Variants in USP28 observed in about 807,000 individuals in gnomAD.
USP28 encodes the protein ubiquitin carboxyl-terminal hydrolase 28.
In USP28, 113 loss-of-function variants were observed where a neutral mutation model predicts 145.0. That is an observed-to-expected ratio of 0.78 (90% confidence interval 0.67 to 0.91). USP28 has a LOEUF of 0.91. USP28 is among the 40% of genes least tolerant of loss of function. The pLI is 0.00. For missense variants in USP28, 1,201 were observed against 1,289.6 expected (o/e 0.93, Z 1.05); for synonymous variants, 447 against 450.9 (o/e 0.99, Z 0.11).
rs1945324524 is a variant in USP28, at chr11:113,842,561, G to GT, written c.269-794_269-793insA. Among the ~76,000 whole-genome samples, 3 of 150,812 alleles carry GT rather than the reference G, an allele frequency of 2.0e-5. No homozygotes were observed. The South Asian group carries it at 6.3e-4, about 31-fold the overall frequency. ...GACCACGCCACTGCACTCCAGCCTAGGCAACAGAGTGAGACTCCGTCTCAG... is the reference window on the plus strand; with the variant it reads ...GACCACGCCACTGCACTCCAGCCTAGTGCAACAGAGTGAGACTCCGTCTCAG... On this transcript the variant is annotated intron_variant, in intron 3 of 24. Transcript: ENST00000003302.
intron 3 of USP28, among the ~76,000 whole-genome samples, chr11:113,851,468 T>C (rs1003022633): frequency 1.3e-5 from 2 of 152,078 alleles, no homozygotes; most frequent in African/African-American, 4.8e-5. Context: ...GGGCCTCAAA[T>C]GACTTACTCC....
chr11:113,803,606 T>A (rs1340405865), intron 22 of USP28, among the ~76,000 whole-genome samples, 192 bp downstream of exon 23: 1 of 152,140 alleles, frequency 6.6e-6, no homozygotes, highest in Non-Finnish European at 1.5e-5. Context: ...AGCTAATACA[T>A]CTAATCATTT....
At chr11:113,812,317 C>G (rs370538899) in exon 16 of USP28, 6 of 1,614,012 alleles carry the variant, frequency 3.7e-6, no homozygotes, top group Non-Finnish European at 5.1e-6. Flanking sequence ...GTACATCAGA[C>G]AGTAAGCACT....
At chr11:113,874,545 C>T (rs1476297856) in intron 1 of USP28, 6 of 1,288,390 alleles carry the variant, frequency 4.7e-6, no homozygotes, top group East Asian at 1.1e-4. Context: ...CAGCTTTGTA[C>T]GACAAATATA....
At chr11:113,839,154 T>C (rs191429838) in intron 5 of USP28, among the ~76,000 whole-genome samples, 1 of 152,356 alleles carries the variant, frequency 6.6e-6, no homozygotes, top group Admixed American at 6.5e-5. Context: ...TGGTATCTCC[T>C]TAAACTCAAC....
At chr11:113,840,140 T>C (rs1057145375) in intron 5 of USP28, among the ~76,000 whole-genome samples, 2 of 152,076 alleles carry the variant, frequency 1.3e-5, no homozygotes, top group Admixed American at 6.5e-5. Context: ...AACCTCATAG[T>C]CTTACTCTTA....
intron 1 of USP28, among the ~76,000 whole-genome samples, chr11:113,862,274 G>A (rs1374933571): frequency 6.6e-6 from 1 of 152,178 alleles, no homozygotes; most frequent in Non-Finnish European, 1.5e-5. Context: ...TTGAACCCAG[G>A]AGGCGGAGGT....
chr11:113,874,141 G>GA (rs552125095), intron 1 of USP28, among the ~76,000 whole-genome samples: 22,055 of 83,374 alleles, frequency 0.26, 2,867 homozygotes, highest in African/African-American at 0.4. Context: ...ACTCCGTCTG[G>GA]AAAAAAAAAA....
intron 1 of USP28, among the ~76,000 whole-genome samples, chr11:113,863,643 CAAAAA>C (rs71063528): frequency 8.0e-6 from 1 of 124,902 alleles, no homozygotes; most frequent in Non-Finnish European, 1.6e-5. Flanking sequence ...GACCCTGTCT[CAAAAA>C]AAAAAAAAAA....
intron 8 of USP28, among the ~76,000 whole-genome samples, chr11:113,831,238 A>C (rs1943951090): frequency 6.6e-6 from 1 of 152,216 alleles, no homozygotes; most frequent in Non-Finnish European, 1.5e-5. Flanking sequence ...CAGTATATAC[A>C]TCTATATCCA....
At chr11:113,817,882 G>T (rs1188242111) in intron 12 of USP28, 45 bp from the exon 13 acceptor site, 1 of 1,592,990 alleles carries the variant, frequency 6.3e-7, no homozygotes, top group South Asian at 1.1e-5. Context: ...AGGCTGTTTT[G>T]TATTTTAAGA....
intron 1 of USP28, chr11:113,874,373 C>T: frequency 1.4e-6 from 1 of 740,102 alleles, no homozygotes; most frequent in African/African-American, 2.1e-5. Flanking sequence ...TGCAGTGAGC[C>T]GACATCGCGC....
intron 23 of USP28, among the ~76,000 whole-genome samples, chr11:113,802,664 C>G (rs912579097): frequency 4.6e-5 from 7 of 152,194 alleles, no homozygotes; most frequent in African/African-American, 1.2e-4. Context: ...ATCAGAACAG[C>G]AGGACCAATT....
exon 14 of USP28, chr11:113,815,282 T>G (rs950466739): frequency 6.2e-7 from 1 of 1,614,184 alleles, no homozygotes; most frequent in Non-Finnish European, 8.5e-7. Flanking sequence ...GGCATTTCCA[T>G]GGAAGACCGA....
chr11:113,822,284 T>C (rs1942721173), intron 12 of USP28, among the ~76,000 whole-genome samples: 1 of 152,090 alleles, frequency 6.6e-6, no homozygotes, highest in Non-Finnish European at 1.5e-5. Context: ...ACCTTGTCTC[T>C]ACCAAAAATA....
chr11:113,805,932 T>C (rs1197749611), intron 19 of USP28, among the ~76,000 whole-genome samples: 3 of 152,114 alleles, frequency 2.0e-5, no homozygotes, highest in Admixed American at 2.0e-4. Flanking sequence ...CAGAAGACTT[T>C]TTTTTTATTT....
intron 11 of USP28, among the ~76,000 whole-genome samples, chr11:113,825,501 A>G (rs1156301732): frequency 6.6e-6 from 1 of 152,234 alleles, no homozygotes; most frequent in South Asian, 2.1e-4. Context: ...CTACTCCTAC[A>G]TATTTTACCC....
chr11:113,830,825 T>A (rs945224233), intron 9 of USP28, 42 bp downstream of exon 9: 2 of 1,586,098 alleles, frequency 1.3e-6, no homozygotes, highest in Non-Finnish European at 1.7e-6. Flanking sequence ...AATAAAGATA[T>A]GATCAAAGGT....
intron 12 of USP28, chr11:113,820,784 A>G (rs111501077): frequency 0.022 from 3,349 of 153,082 alleles, 56 homozygotes; most frequent in Non-Finnish European, 0.028. Flanking sequence ...TGAGATGTCC[A>G]TTGGTCCACT....
Sources: allele counts gnomAD v4.1 joint callset (sites outside exome capture counted in the v4.1 genomes callset), GRCh38; gene constraint gnomAD v4.1.1; transcripts MANE v1.5; gene names NCBI Gene and HGNC (gene_info 2026-07-23, HGNC 2026-07-21).